The following JPH1 variants were observed in gnomAD, a reference collection of about 807,000 sequenced individuals.
JPH1 encodes the protein junctophilin 1.
Under a neutral mutation model 53.6 loss-of-function variants are expected in JPH1, and 12 were observed. The ratio of observed to expected loss-of-function variants is 0.22; its 90% CI spans 0.14 to 0.36. The LOEUF is 0.36. JPH1 is among the 10% of genes least tolerant of loss of function. JPH1 has a pLI of 1.00. For synonymous variants in JPH1, 375 were observed against 363.8 expected (o/e 1.03, Z -0.35); for missense variants, 808 against 905.5 (o/e 0.89, Z 1.38).
chr8:74,295,623 T>C (rs750791846), intron 2 of JPH1, among the ~76,000 whole-genome samples: 7 of 152,138 alleles, frequency 4.6e-5, no homozygotes, highest in Admixed American at 2.6e-4. Flanking sequence ...ACAGATCTCA[T>C]AGACAACACT....
intron 2 of JPH1, among the ~76,000 whole-genome samples, chr8:74,286,158 C>T (rs186717079): frequency 1.8e-4 from 28 of 152,340 alleles, no homozygotes; most frequent in African/African-American, 6.7e-4. Flanking sequence ...TACTCGGTCA[C>T]CATAAACTCC....
chr8:74,237,138 T>A lies in JPH1; in HGVS notation c.*15+70A>T, dbSNP rs1011423088. 3.9e-6 allele frequency: 4 copies of A among 1,026,874 alleles called. No individual in the cohort carries two copies. In the African/African-American group the frequency reaches 4.8e-5, roughly 12 times the overall value. The allele number at this position is 1,026,874 out of a possible 1,614,324, so 63.6% of individuals were successfully genotyped here. On this transcript the variant is annotated intron_variant, in intron 5 of 5. Transcript: ENST00000342232. ...GACAATACGTCATTGTTAAAAAAAA[T>A]AGCAAATTTGCATATGAGAAAAGAA...
At chr8:74,314,617 A>T (rs1375445446) in intron 2 of JPH1, among the ~76,000 whole-genome samples, 9 of 152,172 alleles carry the variant, frequency 5.9e-5, no homozygotes, top group Admixed American at 5.9e-4. Context: ...AATATGAGGG[A>T]AGTAATTTAG....
chr8:74,299,080 G>A (rs576534642), intron 2 of JPH1, among the ~76,000 whole-genome samples: 2 of 152,266 alleles, frequency 1.3e-5, no homozygotes, highest in East Asian at 3.9e-4. Flanking sequence ...TCCTCGGGCT[G>A]TACATCATTA....
chr8:74,267,108 T>G (rs1317588638), intron 2 of JPH1, among the ~76,000 whole-genome samples: 1 of 152,198 alleles, frequency 6.6e-6, no homozygotes, highest in Non-Finnish European at 1.5e-5. Flanking sequence ...TGATGACAAG[T>G]TCTGTTTTAG....
At chr8:74,255,184 T>C (rs1378323635) in intron 3 of JPH1, among the ~76,000 whole-genome samples, 2 of 152,142 alleles carry the variant, frequency 1.3e-5, no homozygotes, top group Non-Finnish European at 2.9e-5. Flanking sequence ...ATGGTAGTGG[T>C]ACCAAAACAG....
chr8:74,290,554 C>A (rs1807294135), intron 2 of JPH1, among the ~76,000 whole-genome samples: 2 of 152,172 alleles, frequency 1.3e-5, no homozygotes, highest in South Asian at 4.1e-4. Flanking sequence ...GGCTATACTG[C>A]CCAAGGTAAT....
rs765251526 is a variant in JPH1 at position 74,315,469 on chromosome 8, G to A, written c.531C>T (p.His177=). The A allele has an allele frequency of 2.5e-6, 4 of 1,607,856 alleles. No homozygotes were observed. The highest frequency in any genetic ancestry group is 1.7e-6 in the Non-Finnish European group (2 of 1,177,778). ...RSEQSNGSVL[H]DAAAAADSPA... ...GGCTGTCGGCGGCGGCTGCGGCGTC[G>A]TGGAGCACGCTGCCATTGCTCTGCT... Residue 177 remains histidine, a synonymous_variant, in exon 2 of 6, where the codon CAC becomes CAT. Transcript: ENST00000342232. This position sits in a 1 kb window ranked among gnomAD's most constrained non-coding sequence, Gnocchi z 6.3.
intron 2 of JPH1, among the ~76,000 whole-genome samples, chr8:74,292,279 TACTA>T (rs527505941): frequency 4.2e-4 from 64 of 152,320 alleles, no homozygotes; most frequent in South Asian, 1.2e-3. Context: ...AATGTTCCAC[TACTA>T]ACTAATATGC....
In JPH1 at chr8:74,273,370, T is replaced by C. The variant is rs147735746; in HGVS notation, c.1140-13867A>G. Among the ~76,000 whole-genome samples, 19 of 152,346 alleles carry C rather than the reference T, an allele frequency of 1.2e-4. No individual in the cohort carries two copies. The East Asian group carries it at 3.7e-3, about 29-fold the overall frequency. ...GTTTTTTGTTTTCATTTGGGGCACA[T>C]ACTTAACTGAATTCTTCTTATCCTC... On this transcript the variant is annotated intron_variant, in intron 2 of 5. Transcript: ENST00000342232.
rs756049890 is a variant in JPH1, at chr8:74,315,197, G to A, written c.803C>T (p.Pro268Leu). The A allele has an allele frequency of 3.6e-5, 58 of 1,614,066 alleles. No homozygotes were observed. The highest frequency in any genetic ancestry group is 2.8e-4 in the Admixed American group (17 of 60,006). The change falls in exon 2 of 6, where the codon CCG becomes CTG. Residue 268 changes from proline (P) to leucine (L), a missense_variant. By Grantham distance (98) the Pro-to-Leu change is moderately conservative (BLOSUM62 -3). Transcript: ENST00000342232. This position sits in a 1 kb window ranked among gnomAD's most constrained non-coding sequence, Gnocchi z 6.3. ...GGTGGCGTCCACGTGGTCTTCCACC[G>A]GGCAAAAATCACAATCTACATCGCC... ...SFGDVDCDFC[P>L]VEDHVDATTT...
intron 2 of JPH1, among the ~76,000 whole-genome samples, chr8:74,277,876 A>AC (rs1418102396): frequency 7.2e-5 from 11 of 152,180 alleles, no homozygotes; most frequent in Admixed American, 2.0e-4. Flanking sequence ...TCAAAGATAT[A>AC]TTAAAAAAAA....
In JPH1 at chr8:74,306,478, C is replaced by G. The variant is rs137962021; in HGVS notation, c.1139+8383G>C. On this transcript the variant is annotated intron_variant, in intron 2 of 5. Transcript: ENST00000342232. ...GAAACATATTTGAAAACTATATATT[C>G]TTCTAGGAGCAAATTCCAGAAGTTT... is the stretch of plus-strand genomic sequence containing the variant. Among the ~76,000 whole-genome samples, 12 of 152,264 alleles carry G rather than the reference C, an allele frequency of 7.9e-5. No homozygotes were observed. The East Asian group carries it at 2.3e-3, about 29-fold the overall frequency.
intron 2 of JPH1, among the ~76,000 whole-genome samples, chr8:74,296,937 G>A (rs943767112): frequency 2.0e-5 from 3 of 152,086 alleles, no homozygotes; most frequent in Non-Finnish European, 4.4e-5. Context: ...GAAAGTATAA[G>A]GCATAAGCCA....
chr8:74,307,460 C>T (rs989359043), intron 2 of JPH1, among the ~76,000 whole-genome samples: 1 of 152,176 alleles, frequency 6.6e-6, no homozygotes, highest in Admixed American at 6.5e-5. Flanking sequence ...GCACTGGTTA[C>T]AACAGTTGCA....
At chr8:74,248,322 A>G (rs1805924629) in intron 3 of JPH1, among the ~76,000 whole-genome samples, 1 of 152,228 alleles carries the variant, frequency 6.6e-6, no homozygotes, top group Admixed American at 6.5e-5. Flanking sequence ...TAGCTTTATT[A>G]TGCATTCAAA....
intron 2 of JPH1, among the ~76,000 whole-genome samples, chr8:74,291,454 G>A (rs762262475): frequency 9.2e-5 from 14 of 152,266 alleles, no homozygotes; most frequent in South Asian, 4.2e-4. Flanking sequence ...TTAGAATGGC[G>A]ATCATTAAAA....
intron 2 of JPH1, among the ~76,000 whole-genome samples, chr8:74,292,193 CAG>C (rs901654885): frequency 1.4e-4 from 21 of 152,146 alleles, no homozygotes; most frequent in Admixed American, 1.3e-3. Context: ...AAAAATTAAA[CAG>C]AAAAAAACGT....
At chr8:74,257,867 C>A (rs1391397189) in intron 3 of JPH1, among the ~76,000 whole-genome samples, 1 of 152,122 alleles carries the variant, frequency 6.6e-6, no homozygotes, top group East Asian at 1.9e-4. Flanking sequence ...ATGATGATAT[C>A]TATCATTCAA....
Sources: gnomAD v4.1 joint callset for allele counts (sites outside exome capture counted in the v4.1 genomes callset) on GRCh38, gnomAD v4.1.1 for gene constraint, Gnocchi (gnomAD v3.1) non-coding constraint, MANE v1.5 for transcripts, NCBI Gene and HGNC (gene_info 2026-07-23, HGNC 2026-07-21) for gene names.